The following UTY variants were observed in gnomAD, a reference collection of about 807,000 sequenced individuals.
UTY encodes histone demethylase UTY.
A neutral mutation model predicts 32.5 loss-of-function variants in UTY; 12 were observed. The ratio of observed to expected loss-of-function variants is 0.37; its 90% CI spans 0.24 to 0.60. The LOEUF (loss-of-function observed/expected upper bound fraction) is 0.60. Ranked by LOEUF, UTY falls within the 20% of genes least tolerant of loss-of-function variation. The probability of loss-of-function intolerance (pLI) is 0.69; values close to 1 mark genes in which losing one functional copy is unlikely to be tolerated. For missense variants in UTY, 303 were observed against 299.2 expected (o/e 1.01, Z -0.09); for synonymous variants, 131 against 103.4 (o/e 1.27, Z -1.62).
intron 8 of UTY, among the ~76,000 whole-genome samples, chrY:13,378,710 G>A: frequency 3.2e-5 from 1 of 30,902 alleles, no homozygotes; most frequent in Non-Finnish European, 7.9e-5. Flanking sequence ...GGGAGGGAGA[G>A]GTTGCAGTGA....
chrY:13,265,445 A>T lies in UTY; in HGVS notation c.4011-5041T>A, dbSNP rs533899623. Among the ~76,000 whole-genome samples the T allele has an allele frequency of 3.0e-4, 10 of 33,635 alleles. No homozygotes were observed. In the East Asian group the frequency reaches 7.7e-3, roughly 26 times the overall value. 90.2% of individuals were successfully genotyped at this position (33,635 alleles called of 37,273 possible). A position where few individuals can be genotyped will look rare whatever the true frequency, so the allele number is the denominator to read the frequency against. On this transcript the variant is annotated intron_variant, in intron 27 of 29. Transcript: ENST00000545955. ...AGCACTGGTTTTGTAGTTCTACTTG[A>T]AGAGGTCCTTCACATCCCTTGTAAG...
intron 8 of UTY, among the ~76,000 whole-genome samples, chrY:13,392,524 A>T (rs2067680658): frequency 3.0e-5 from 1 of 33,866 alleles, no homozygotes. Flanking sequence ...ACCTGAAGGT[A>T]TATCAACTTT....
chrY:13,359,706 C>A, intron 12 of UTY, 61 bp downstream of exon 12: 1 of 291,635 alleles, frequency 3.4e-6, no homozygotes, highest in Non-Finnish European at 5.0e-6. Flanking sequence ...AGCCACCCTT[C>A]TCCTGCCAAT....
At chrY:13,471,482 A>C in intron 2 of UTY, among the ~76,000 whole-genome samples, 4 of 33,528 alleles carry the variant, frequency 1.2e-4, no homozygotes, top group Non-Finnish European at 2.9e-4. Context: ...TCTTCCTTAC[A>C]CAAAATGCAG....
intron 27 of UTY, among the ~76,000 whole-genome samples, chrY:13,268,747 C>T (rs960142948): frequency 6.0e-5 from 2 of 33,319 alleles, no homozygotes; most frequent in Non-Finnish European, 1.5e-4. Flanking sequence ...TGATGCTATT[C>T]CTTTCTGCTT....
intron 3 of UTY, among the ~76,000 whole-genome samples, chrY:13,459,365 T>C: frequency 6.1e-5 from 2 of 32,668 alleles, no homozygotes; most frequent in African/African-American, 2.4e-4. Flanking sequence ...TTTTCAGCCA[T>C]TTAAGCAAGT....
chrY:13,388,480 C>T (rs2067156253), intron 8 of UTY, among the ~76,000 whole-genome samples: 2 of 33,838 alleles, frequency 5.9e-5, no homozygotes, highest in Admixed American at 2.7e-4. Context: ...GTATGAAGTG[C>T]AGACAGATGC....
chrY:13,404,280 G>C (rs773488852), intron 6 of UTY, among the ~76,000 whole-genome samples: 4 of 32,641 alleles, frequency 1.2e-4, no homozygotes, highest in African/African-American at 4.8e-4. Flanking sequence ...ATTAAGGTAG[G>C]ACCTGCATGG....
chrY:13,264,809 G>A lies in UTY; in HGVS notation c.4011-4405C>T, dbSNP rs2148475831. On this transcript the variant is annotated intron_variant, in intron 27 of 29. Coordinates refer to ENST00000545955, the MANE Select transcript of UTY (RefSeq NM_001258249.2). ...TTGCTTTTGGTGTTTTAGTCATAAA[G>A]TCTTTGCCCATGCCTATGTCCTGAA... Among the ~76,000 whole-genome samples, 4 of 33,612 alleles carry A rather than the reference G, an allele frequency of 1.2e-4. No individual in the cohort carries two copies. In the East Asian group the frequency reaches 3.1e-3, roughly 26 times the overall value. The allele number at this position is 33,612 out of a possible 37,273, so 90.2% of individuals were successfully genotyped here.
chrY:13,274,714 C>T, intron 27 of UTY, among the ~76,000 whole-genome samples: 2 of 30,158 alleles, frequency 6.6e-5, no homozygotes, highest in Non-Finnish European at 1.6e-4. Flanking sequence ...ACCCAGGAAT[C>T]GGAGGTGCGG....
intron 27 of UTY, among the ~76,000 whole-genome samples, chrY:13,283,702 C>G: frequency 3.0e-5 from 1 of 32,832 alleles, no homozygotes; most frequent in Admixed American, 2.8e-4. Flanking sequence ...TTTAGACCCA[C>G]TTCCCCGGCC....
rs749410193 is a variant in UTY at position 13,459,233 on chromosome Y, G to A, written c.326-10167C>T. ...CCATTGTCCTAGATAAAGGCATTAG[G>A]AGAGTACTAGGTCAGCCTCCATTTG... On this transcript the variant is annotated intron_variant, in intron 3 of 29. Coordinates refer to ENST00000545955, the MANE Select transcript of UTY (RefSeq NM_001258249.2). Among the ~76,000 whole-genome samples, 9 of 32,683 alleles carry A rather than the reference G, an allele frequency of 2.8e-4. No homozygotes were observed. In the East Asian group the frequency reaches 7.2e-3, roughly 26 times the overall value. The allele number at this position is 32,683 out of a possible 37,273, so 87.7% of individuals were successfully genotyped here.
chrY:13,462,201 T>C (rs2077429448), intron 3 of UTY, among the ~76,000 whole-genome samples: 1 of 33,566 alleles, frequency 3.0e-5, no homozygotes. Flanking sequence ...AGAATTTTTC[T>C]TAAATACTGT....
intron 4 of UTY, among the ~76,000 whole-genome samples, chrY:13,445,539 C>T (rs775015745): frequency 2.1e-4 from 6 of 27,925 alleles, no homozygotes; most frequent in African/African-American, 8.5e-4. Context: ...ATAAATCCTA[C>T]GAGTAAACTA....
intron 6 of UTY, among the ~76,000 whole-genome samples, chrY:13,410,038 A>G (rs2070681892): frequency 3.0e-5 from 1 of 33,855 alleles, no homozygotes; most frequent in South Asian, 6.5e-4. Flanking sequence ...AACTGTAACC[A>G]TGTGTATAAC....
chrY:13,262,256 G>A (rs773525017), intron 27 of UTY, among the ~76,000 whole-genome samples: 179 of 33,341 alleles, frequency 5.4e-3, no homozygotes, highest in Middle Eastern at 0.027. Context: ...CACAATTCTC[G>A]TAACAGCTCA....
At chrY:13,447,595 T>C (rs2076034901) in intron 4 of UTY, among the ~76,000 whole-genome samples, 1 of 33,884 alleles carries the variant, frequency 3.0e-5, no homozygotes, top group Non-Finnish European at 7.3e-5. Flanking sequence ...AAAATGAAGA[T>C]AATGATTAAA....
chrY:13,250,938 C>T lies in UTY; in HGVS notation c.4308+79G>A. 9.3e-6 allele frequency: 3 copies of T among 320,912 alleles called. No individual in the cohort carries two copies. The African/African-American group carries it at 2.1e-4, about 22-fold the overall frequency. 80.0% of individuals were successfully genotyped at this position (320,912 alleles called of 400,897 possible). On this transcript the variant is annotated intron_variant, in intron 29 of 29. Transcript: ENST00000545955. ...GGAAAATTTAAGTTTCTTCTTAACA[C>T]ATTTTTATCAGTTAGCAAAGTCAAA...
intron 2 of UTY, among the ~76,000 whole-genome samples, chrY:13,471,943 T>C (rs2078544880): frequency 3.0e-5 from 1 of 33,350 alleles, no homozygotes; most frequent in South Asian, 6.5e-4. Context: ...ACAAGTACCC[T>C]CCACTCTATG....
Sources: allele counts gnomAD v4.1 joint callset (sites outside exome capture counted in the v4.1 genomes callset), GRCh38; gene constraint gnomAD v4.1.1; transcripts MANE v1.5; gene names NCBI Gene and HGNC (gene_info 2026-07-23, HGNC 2026-07-21).